ZNF865: variants seen among roughly 807,000 people sequenced by gnomAD.
The protein encoded by ZNF865 is zinc finger protein 865.
For synonymous variants in ZNF865, 763 were observed against 750.8 expected (o/e 1.02, Z -0.27); for missense variants, 1,311 against 1,593.4 (o/e 0.82, Z 3.02).
chr19:55,615,855 C>G lies in ZNF865; in HGVS notation c.2237C>G (p.Ala746Gly). 1.3e-6 allele frequency: 2 copies of G among 1,493,162 alleles called. No individual in the cohort carries two copies. Among genetic ancestry groups the G allele is most frequent in the South Asian group, 2.6e-5 (2 of 77,840 alleles). The allele number at this position is 1,493,162 out of a possible 1,614,324, so 92.5% of individuals were successfully genotyped here. Residue 746 changes from alanine to glycine, a missense_variant, in exon 2 of 2, where the codon GCC (alanine) becomes GGC (glycine). Physicochemically the swap from Ala to Gly is moderately conservative, Grantham distance 60 (BLOSUM62 0). Coordinates refer to ENST00000568956, the MANE Select transcript of ZNF865 (RefSeq NM_001195605.2). ...GACGGCTCCAGCGGCACGGATGCGG[C>G]CAGCGTGCTGGACAACGGGCTGGCG... ...PPDGSSGTDA[A>G]SVLDNGLAGE...
In ZNF865 at chr19:55,616,898, C is replaced by T; in HGVS notation, c.*100C>T. The T allele has an allele frequency of 7.8e-7, 1 of 1,276,258 alleles. No individual in the cohort carries two copies. The highest frequency in any genetic ancestry group is 1.0e-6 in the Non-Finnish European group (1 of 976,460). The allele number at this position is 1,276,258 out of a possible 1,614,324, so 79.1% of individuals were successfully genotyped here. A position where few individuals can be genotyped will look rare whatever the true frequency, so the allele number is the denominator to read the frequency against. ...CCCCCCTCCTCGCTGTTGCCCCATC[C>T]TTCAGAACTTCACACGGACTGGCGA... is the stretch of plus-strand genomic sequence containing the variant. On this transcript the variant is annotated 3_prime_UTR_variant, in exon 2 of 2. Coordinates refer to ENST00000568956, the MANE Select transcript of ZNF865 (RefSeq NM_001195605.2).
In ZNF865 at chr19:55,607,564, TAAAAA is replaced by T. The variant is rs554498703; in HGVS notation, c.-27+1833_-27+1837del. On this transcript the variant is annotated intron_variant, in intron 1 of 1. Transcript: ENST00000568956. ...AGTTCGAGGCTGCAGTGAAAAAAAA[TAAAAA>T]CAAAAACCAAGAGTATATGTGCGTG... Among the ~76,000 whole-genome samples the T allele has an allele frequency of 4.6e-3, 684 of 148,398 alleles. 8 individuals are homozygous for T. The highest frequency in any genetic ancestry group is 5.6e-3 in the Non-Finnish European group (380 of 67,308).
In ZNF865 at chr19:55,610,267, T is replaced by C. The variant is rs118019307; in HGVS notation, c.-26-3326T>C. On this transcript the variant is annotated intron_variant, in intron 1 of 1. Coordinates refer to ENST00000568956, the MANE Select transcript of ZNF865 (RefSeq NM_001195605.2). ...AAGCAGTTTTTTTGCTTTTTGTTTG[T>C]TTGTGTTTTTGAGATGGAGTCGCGC... Among the ~76,000 whole-genome samples, 48 of 152,330 alleles carry C rather than the reference T, an allele frequency of 3.2e-4. No homozygotes were observed. The East Asian group carries it at 6.0e-3, about 19-fold the overall frequency.
Position 55,615,615 on chromosome 19 carries a change from G to C in ZNF865, c.1997G>C (p.Gly666Ala). The C allele has an allele frequency of 6.5e-7, 1 of 1,533,856 alleles. No homozygotes were observed. Among genetic ancestry groups the C allele is most frequent in the Non-Finnish European group, 8.7e-7 (1 of 1,145,992 alleles). ...GGCACGTCTGCAGGGCCCACCGATG[G>C]GCTGAGCTACGCCTGCTCGGACTGC... ...ASGTSAGPTDGLSYACSDCGE... is the reference protein window; with the variant it reads ...ASGTSAGPTDALSYACSDCGE... The change falls in exon 2 of 2, where the codon GGG becomes GCG. Residue 666 changes from glycine (G) to alanine (A), a missense_variant. Transcript: ENST00000568956.
At position 55,616,750 on chromosome 19, in the gene ZNF865, C is replaced by CG; in HGVS notation, c.3138dup (p.Pro1047AlafsTer85). ...GCCTGGCGCACAAGGCCGAGAACCT[C>CG]GGGGGGCCTGGAGCAGGGGCGGGCA... On this transcript the variant is annotated frameshift_variant, in exon 2 of 2. Transcript: ENST00000568956. LOFTEE classifies it high-confidence loss of function. 1.4e-6 allele frequency: 2 copies of CG among 1,477,858 alleles called. No individual in the cohort carries two copies. Among genetic ancestry groups the CG allele is most frequent in the Non-Finnish European group, 1.8e-6 (2 of 1,118,502 alleles). 91.5% of individuals were successfully genotyped at this position (1,477,858 alleles called of 1,614,324 possible).
Position 55,613,707 on chromosome 19 carries a change from C to T in ZNF865, c.89C>T (p.Pro30Leu), listed in dbSNP as rs2123590080. 2 of 1,534,624 alleles carry T rather than the reference C, an allele frequency of 1.3e-6. No homozygotes were observed. Among genetic ancestry groups the T allele is most frequent in the Non-Finnish European group, 1.7e-6 (2 of 1,146,236 alleles). ...GACGGGGTGCACTTCCAGAGCTACC[C>T]CTTCGACTTCCTGGAATTCCTCAAC... ...GEDGVHFQSYPFDFLEFLNHQ... is the reference protein window; with the variant it reads ...GEDGVHFQSYLFDFLEFLNHQ... The change falls in exon 2 of 2, where the codon CCC becomes CTC. Residue 30 changes from proline to leucine, a missense_variant. Physicochemically the swap from Pro to Leu is moderately conservative, Grantham distance 98. Coordinates refer to ENST00000568956, the MANE Select transcript of ZNF865 (RefSeq NM_001195605.2).
At position 55,615,957 on chromosome 19, in the gene ZNF865, G is replaced by A. The variant is rs911319812; in HGVS notation, c.2339G>A (p.Gly780Asp). The A allele has an allele frequency of 1.3e-6, 2 of 1,515,550 alleles. No individual in the cohort carries two copies. The highest frequency in any genetic ancestry group is 8.8e-7 in the Non-Finnish European group (1 of 1,137,322). 93.9% of individuals were successfully genotyped at this position (1,515,550 alleles called of 1,614,324 possible). A position where few individuals can be genotyped will look rare whatever the true frequency, so the allele number is the denominator to read the frequency against. ...GEDAGGAAVA[G>D]AGGGASSGPE... is the part of the protein sequence containing the mutation. ...GACGCAGGCGGGGCGGCGGTGGCAG[G>A]TGCTGGCGGGGGTGCCAGTTCCGGC... The change falls in exon 2 of 2, where the codon GGT (glycine) becomes GAT (aspartate). Residue 780 changes from glycine (G) to aspartate (D), a missense_variant. By Grantham distance (94) the Gly-to-Asp change is moderately conservative (BLOSUM62 -1). Coordinates refer to ENST00000568956, the MANE Select transcript of ZNF865 (RefSeq NM_001195605.2).
chr19:55,606,272 T>C (rs1280936636), intron 1 of ZNF865, among the ~76,000 whole-genome samples: 1 of 152,130 alleles, frequency 6.6e-6, no homozygotes, highest in Non-Finnish European at 1.5e-5. Flanking sequence ...GAAAATACTT[T>C]CTATTCTGGT....
chr19:55,607,555 G>GA (rs1429611305), intron 1 of ZNF865, among the ~76,000 whole-genome samples: 2 of 151,546 alleles, frequency 1.3e-5, no homozygotes, highest in East Asian at 1.9e-4. Flanking sequence ...AGGCTGCAGT[G>GA]AAAAAAAATA....
At position 55,614,348 on chromosome 19, in the gene ZNF865, C is replaced by T; in HGVS notation, c.730C>T (p.Leu244=). 1.2e-5 allele frequency: 18 copies of T among 1,491,486 alleles called. No individual in the cohort carries two copies. The highest frequency in any genetic ancestry group is 1.6e-5 in the Non-Finnish European group (18 of 1,125,178). The allele number at this position is 1,491,486 out of a possible 1,614,324, so 92.4% of individuals were successfully genotyped here. A position where few individuals can be genotyped will look rare whatever the true frequency, so the allele number is the denominator to read the frequency against. The change falls in exon 2 of 2, where the codon CTG becomes TTG. Residue 244 remains leucine, a synonymous_variant. Transcript: ENST00000568956. The surrounding 1 kb of genome is among the most constrained non-coding windows in gnomAD (Gnocchi z 8.0). ...GTCCTCGCACCTGGTCCAGCACATG[C>T]TGGTGCACTCGGGGGAGAGGCCCTA... ...KQSSHLVQHM[L]VHSGERPYEC...
Position 55,614,444 on chromosome 19 carries a change from G to T in ZNF865, c.826G>T (p.Asp276Tyr). 6.9e-7 allele frequency: 1 copy of T among 1,439,802 alleles called. No homozygotes were observed. Among genetic ancestry groups the T allele is most frequent in the Non-Finnish European group, 9.1e-7 (1 of 1,097,340 alleles). 89.2% of individuals were successfully genotyped at this position (1,439,802 alleles called of 1,614,324 possible). ...CATCCGCCACCGCCGCTGCCACAAG[G>T]ACGTGCCACCGGCCGCGGGGGGCCC... ...SLIRHRRCHK[D>Y]VPPAAGGPPQ... Residue 276 changes from aspartate to tyrosine, a missense_variant, in exon 2 of 2, where the codon GAC becomes TAC. Asp to Tyr is a radical substitution (Grantham distance 160). Transcript: ENST00000568956. The surrounding 1 kb of genome is among the most constrained non-coding windows in gnomAD (Gnocchi z 8.0).
chr19:55,614,223 C>T lies in ZNF865; in HGVS notation c.605C>T (p.Ala202Val). 1 of 1,509,570 alleles carries T rather than the reference C, an allele frequency of 6.6e-7. No homozygotes were observed. Among genetic ancestry groups the T allele is most frequent in the African/African-American group, 1.4e-5 (1 of 69,890 alleles). 93.5% of individuals were successfully genotyped at this position (1,509,570 alleles called of 1,614,324 possible). A position where few individuals can be genotyped will look rare whatever the true frequency, so the allele number is the denominator to read the frequency against. Residue 202 changes from alanine (A) to valine (V), a missense_variant, in exon 2 of 2, where the codon GCC becomes GTC. Ala to Val is a moderately conservative substitution (Grantham distance 64, BLOSUM62 0). Coordinates refer to ENST00000568956, the MANE Select transcript of ZNF865 (RefSeq NM_001195605.2). This position sits in a 1 kb window ranked among gnomAD's most constrained non-coding sequence, Gnocchi z 8.0. ...QTPPGPPAAA[A>V]CDPTKDDKGY... The stretch of plus-strand genomic sequence containing the variant: ...CCGCCAGGACCCCCCGCGGCGGCGG[C>T]CTGCGACCCCACCAAGGACGACAAG...
Position 55,613,971 on chromosome 19 carries a change from A to C in ZNF865, c.353A>C (p.Gln118Pro). The C allele has an allele frequency of 1.3e-6, 2 of 1,526,754 alleles. No individual in the cohort carries two copies. The highest frequency in any genetic ancestry group is 2.4e-5 in the South Asian group (2 of 82,952). The allele number at this position is 1,526,754 out of a possible 1,614,324, so 94.6% of individuals were successfully genotyped here. ...SSSSSSSSSS[Q>P]AKKPDPPLPP... is the part of the protein sequence containing the mutation. ...TCATCTTCGTCCTCTTCCTCTTCCC[A>C]AGCCAAGAAGCCCGATCCGCCCCTG... The change falls in exon 2 of 2, where the codon CAA becomes CCA. Residue 118 changes from glutamine to proline, a missense_variant. Transcript: ENST00000568956.
intron 1 of ZNF865, among the ~76,000 whole-genome samples, chr19:55,609,552 C>G (rs1363688035): frequency 6.6e-6 from 1 of 152,194 alleles, no homozygotes; most frequent in African/African-American, 2.4e-5. Context: ...TGCAGCAGAA[C>G]GGCCCACAGT....
At chr19:55,613,540 CG>C in intron 1 of ZNF865, 52 bp from the exon 2 acceptor site, 1 of 1,408,152 alleles carries the variant, frequency 7.1e-7, no homozygotes, top group Non-Finnish European at 9.3e-7. Flanking sequence ...CATTCACCTG[CG>C]GGGAGACCCA....
chr19:55,615,121 A>G lies in ZNF865; in HGVS notation c.1503A>G (p.Thr501=). ...TCCTGCCCCCCGACCCTCCCACCAC[A>G]GACAGCGAGAAGGCGGCGGCGGCCG... ...PYLLPPDPPT[T]DSEKAAAAAA... Residue 501 remains threonine, a synonymous_variant, in exon 2 of 2, where the codon ACA becomes ACG. Coordinates refer to ENST00000568956, the MANE Select transcript of ZNF865 (RefSeq NM_001195605.2). 1.8e-6 allele frequency: 2 copies of G among 1,123,410 alleles called. No homozygotes were observed. Among genetic ancestry groups the G allele is most frequent in the Non-Finnish European group, 2.2e-6 (2 of 924,204 alleles). 69.6% of individuals were successfully genotyped at this position (1,123,410 alleles called of 1,614,324 possible).
intron 1 of ZNF865, among the ~76,000 whole-genome samples, chr19:55,610,473 C>T (rs1163154334): frequency 6.6e-6 from 1 of 152,190 alleles, no homozygotes; most frequent in Non-Finnish European, 1.5e-5. Flanking sequence ...GTAGGCCAGA[C>T]TGGTGTCGAA....
Position 55,615,965 on chromosome 19 carries a change from G to T in ZNF865, c.2347G>T (p.Gly783Trp). Residue 783 changes from glycine (G) to tryptophan (W), a missense_variant, in exon 2 of 2, where the codon GGG becomes TGG. Coordinates refer to ENST00000568956, the MANE Select transcript of ZNF865 (RefSeq NM_001195605.2). ...CGGGGCGGCGGTGGCAGGTGCTGGC[G>T]GGGGTGCCAGTTCCGGCCCCGAGCG... ...AGGAAVAGAG[G>W]GASSGPERFS... 6.6e-7 allele frequency: 1 copy of T among 1,513,148 alleles called. No homozygotes were observed. The highest frequency in any genetic ancestry group is 8.8e-7 in the Non-Finnish European group (1 of 1,136,018). 93.7% of individuals were successfully genotyped at this position (1,513,148 alleles called of 1,614,324 possible). A position where few individuals can be genotyped will look rare whatever the true frequency, so the allele number is the denominator to read the frequency against.
In ZNF865 at chr19:55,614,262, G is replaced by C; in HGVS notation, c.644G>C (p.Arg215Thr). 6.6e-7 allele frequency: 1 copy of C among 1,516,176 alleles called. No individual in the cohort carries two copies. The highest frequency in any genetic ancestry group is 8.8e-7 in the Non-Finnish European group (1 of 1,137,682). 93.9% of individuals were successfully genotyped at this position (1,516,176 alleles called of 1,614,324 possible). The change falls in exon 2 of 2, where the codon AGA becomes ACA. Residue 215 changes from arginine to threonine, a missense_variant. By Grantham distance (71) the Arg-to-Thr change is moderately conservative. Coordinates refer to ENST00000568956, the MANE Select transcript of ZNF865 (RefSeq NM_001195605.2). This position sits in a 1 kb window ranked among gnomAD's most constrained non-coding sequence, Gnocchi z 8.0. ...AAGGACGACAAGGGCTACTTCCGGA[G>C]ACTGAAGTACCTGATGGAGCGGCGC... is the stretch of plus-strand genomic sequence containing the variant. Reference protein sequence around the residue: ...PTKDDKGYFRRLKYLMERRFP... With the variant: ...PTKDDKGYFRTLKYLMERRFP...
Sources: allele counts gnomAD v4.1 joint callset (sites outside exome capture counted in the v4.1 genomes callset), GRCh38; gene constraint gnomAD v4.1.1; non-coding constraint Gnocchi (gnomAD v3.1); transcripts MANE v1.5; gene names NCBI Gene and HGNC (gene_info 2026-07-23, HGNC 2026-07-21).